The following SYBU variants were observed in gnomAD, a reference collection of about 807,000 sequenced individuals.
SYBU encodes the protein syntabulin.
Under a neutral mutation model 35.9 loss-of-function variants are expected in SYBU, and 21 were observed. That is an observed-to-expected ratio of 0.58 (90% confidence interval 0.41 to 0.84). The LOEUF (loss-of-function observed/expected upper bound fraction) is 0.84, where lower values mean the gene tolerates loss of function less well. SYBU is among the 40% of genes least tolerant of loss of function. The pLI, the probability that SYBU is intolerant of heterozygous loss-of-function variation, is 0.00. For synonymous variants in SYBU, 319 were observed against 324.3 expected (o/e 0.98, Z 0.18); for missense variants, 768 against 848.2 (o/e 0.91, Z 1.17).
At chr8:109,659,957 T>C (rs1418952896) in intron 1 of SYBU, among the ~76,000 whole-genome samples, 1 of 152,138 alleles carries the variant, frequency 6.6e-6, no homozygotes, top group African/African-American at 2.4e-5. Flanking sequence ...ACAAAAATGT[T>C]TGCCTTTATA....
At chr8:109,676,745 A>G (rs551495895) in intron 1 of SYBU, among the ~76,000 whole-genome samples, 5 of 152,330 alleles carry the variant, frequency 3.3e-5, no homozygotes, top group Admixed American at 1.3e-4. Flanking sequence ...TTCTGGATTG[A>G]GATTCAGAGT....
At chr8:109,637,064 C>G (rs544596333) in intron 2 of SYBU, among the ~76,000 whole-genome samples, 1 of 152,186 alleles carries the variant, frequency 6.6e-6, no homozygotes, top group South Asian at 2.1e-4. Context: ...ACCAAATCCC[C>G]AAATACACAC....
chr8:109,664,412 C>T (rs1288279944), intron 1 of SYBU, among the ~76,000 whole-genome samples: 1 of 152,156 alleles, frequency 6.6e-6, no homozygotes, highest in Non-Finnish European at 1.5e-5. Context: ...AAGAAATGCT[C>T]TATACCATAT....
intron 1 of SYBU, among the ~76,000 whole-genome samples, chr8:109,666,771 T>C (rs1318404336): frequency 6.6e-6 from 1 of 152,136 alleles, no homozygotes. Flanking sequence ...GGAAAATATA[T>C]ATTTAAAATT....
intron 3 of SYBU, among the ~76,000 whole-genome samples, chr8:109,607,151 C>A (rs1355110795): frequency 6.6e-6 from 1 of 152,164 alleles, no homozygotes; most frequent in Non-Finnish European, 1.5e-5. Flanking sequence ...ATGAAAAGTA[C>A]TTTAAGATGA....
chr8:109,610,708 A>C (rs1286977196), intron 3 of SYBU, among the ~76,000 whole-genome samples: 1 of 152,238 alleles, frequency 6.6e-6, no homozygotes. Context: ...ACAGTTCACC[A>C]AAATGCCATG....
chr8:109,670,125 A>G (rs1288395887), intron 1 of SYBU, among the ~76,000 whole-genome samples: 2 of 152,046 alleles, frequency 1.3e-5, no homozygotes, highest in Non-Finnish European at 2.9e-5. Flanking sequence ...CATTTTCATG[A>G]TGTAGAAATT....
intron 3 of SYBU, among the ~76,000 whole-genome samples, chr8:109,611,873 G>A (rs1346107587): frequency 2.0e-5 from 3 of 152,100 alleles, no homozygotes; most frequent in African/African-American, 2.4e-5. Flanking sequence ...CACTGATTTT[G>A]TTACTGGCAA....
At chr8:109,589,696 T>A (rs1824005715) in intron 3 of SYBU, among the ~76,000 whole-genome samples, 1 of 152,148 alleles carries the variant, frequency 6.6e-6, no homozygotes, top group East Asian at 1.9e-4. Flanking sequence ...GCCAGGGAAT[T>A]AGAAAAGGAA....
chr8:109,678,854 C>T (rs979115570), intron 1 of SYBU, among the ~76,000 whole-genome samples: 2 of 152,102 alleles, frequency 1.3e-5, no homozygotes, highest in African/African-American at 4.8e-5. Flanking sequence ...GCATGGAGCC[C>T]ACCATGTGAT....
Position 109,584,065 on chromosome 8 carries a change from G to A in SYBU, c.530+1995C>T, listed in dbSNP as rs1245733361. Among the ~76,000 whole-genome samples the A allele has an allele frequency of 2.0e-5, 3 of 151,430 alleles. No individual in the cohort carries two copies. Among genetic ancestry groups the A allele is most frequent in the African/African-American group, 2.4e-5 (1 of 41,184 alleles). Reference sequence around the variant, plus strand: ...ACTCCTGAACTCAGTTGATCCATCCGCCTTGGCCTCCTAAAAGTGCTGGGA... The same window carrying A: ...ACTCCTGAACTCAGTTGATCCATCCACCTTGGCCTCCTAAAAGTGCTGGGA... On this transcript the variant is annotated intron_variant, in intron 4 of 6. Transcript: ENST00000276646. The surrounding 1 kb of genome is among the most constrained non-coding windows in gnomAD (Gnocchi z 4.0).
At chr8:109,670,182 T>G (rs887845688) in intron 1 of SYBU, among the ~76,000 whole-genome samples, 4 of 152,156 alleles carry the variant, frequency 2.6e-5, no homozygotes, top group Non-Finnish European at 5.9e-5. Flanking sequence ...AACACATATA[T>G]GTATGCATCC....
chr8:109,609,520 T>C (rs1413220003), intron 3 of SYBU, among the ~76,000 whole-genome samples: 2 of 152,222 alleles, frequency 1.3e-5, no homozygotes, highest in African/African-American at 2.4e-5. Flanking sequence ...AGGATACTCA[T>C]ATATGTATAC....
chr8:109,616,103 C>A (rs2130319511), intron 3 of SYBU, among the ~76,000 whole-genome samples: 1 of 148,764 alleles, frequency 6.7e-6, no homozygotes, highest in Non-Finnish European at 1.5e-5. Flanking sequence ...CCTCCGCCTC[C>A]AGGGTTCAAG....
chr8:109,666,460 A>G (rs1321010159), intron 1 of SYBU, among the ~76,000 whole-genome samples: 4 of 152,126 alleles, frequency 2.6e-5, no homozygotes, highest in Non-Finnish European at 5.9e-5. Context: ...ATCATCCTCA[A>G]TTAAGAACCA....
intron 1 of SYBU, among the ~76,000 whole-genome samples, chr8:109,658,525 T>C (rs1816440468): frequency 6.6e-6 from 1 of 152,242 alleles, no homozygotes; most frequent in African/African-American, 2.4e-5. Context: ...AGACAAGGTA[T>C]GTGAATGAAG....
chr8:109,687,730 C>T (rs1240488572), intron 1 of SYBU, among the ~76,000 whole-genome samples: 1 of 152,074 alleles, frequency 6.6e-6, no homozygotes, highest in Non-Finnish European at 1.5e-5. Context: ...ACTGGCAAAG[C>T]ATATGGACTT....
chr8:109,632,555 A>T (rs1419856257), intron 2 of SYBU, among the ~76,000 whole-genome samples: 4 of 152,192 alleles, frequency 2.6e-5, no homozygotes, highest in Non-Finnish European at 5.9e-5. Flanking sequence ...TGTTCATCAT[A>T]CTGTTTATGT....
chr8:109,575,847 T>TATC lies in SYBU; in HGVS notation c.1048_1050dup (p.Asp350dup). 1 of 1,614,056 alleles carries TATC rather than the reference T, an allele frequency of 6.2e-7. No homozygotes were observed. Among genetic ancestry groups the TATC allele is most frequent in the Non-Finnish European group, 8.5e-7 (1 of 1,180,004 alleles). On this transcript the variant is annotated inframe_insertion, in exon 7 of 7. Coordinates refer to ENST00000276646, the MANE Select transcript of SYBU (RefSeq NM_001099754.2). ...AAATATTTCTGAATGCCTTTATCTT[T>TATC]ATCAGCCAAGCTGCTCCGCATGGTT...
Sources: allele counts gnomAD v4.1 joint callset (sites outside exome capture counted in the v4.1 genomes callset), GRCh38; gene constraint gnomAD v4.1.1; non-coding constraint Gnocchi (gnomAD v3.1); transcripts MANE v1.5; gene names NCBI Gene and HGNC (gene_info 2026-07-23, HGNC 2026-07-21).